EHBP1: variants seen among roughly 807,000 people sequenced by gnomAD.
EHBP1 encodes EH domain binding protein 1.
In EHBP1, 55 loss-of-function variants were observed where a neutral mutation model predicts 144.0. The observed-to-expected ratio is 0.38, with a 90% CI of 0.31 to 0.48. EHBP1 has a LOEUF of 0.48. Among genes scored for constraint, EHBP1 ranks in the 20% least tolerant of loss-of-function variants. The pLI, the probability that EHBP1 is intolerant of heterozygous loss-of-function variation, is 0.98. For synonymous variants in EHBP1, 469 were observed against 472.7 expected, an observed-to-expected ratio of 0.99 and a Z score of 0.10; for missense variants, 1,200 against 1,364.2, an observed-to-expected ratio of 0.88 and a Z score of 1.90.
chr2:62,898,961 C>T (rs555628636), intron 10 of EHBP1, among the ~76,000 whole-genome samples: 5 of 152,252 alleles, frequency 3.3e-5, no homozygotes, highest in African/African-American at 1.2e-4. Context: ...TGCACCTACA[C>T]GCAGATGGCA....
chr2:62,719,709 C>T (rs2036027930), intron 2 of EHBP1, among the ~76,000 whole-genome samples: 1 of 152,182 alleles, frequency 6.6e-6, no homozygotes, highest in African/African-American at 2.4e-5. Flanking sequence ...CAGTATAAAA[C>T]AATATTTACA....
chr2:62,722,544 A>G (rs1558549393), intron 2 of EHBP1, among the ~76,000 whole-genome samples: 2 of 152,144 alleles, frequency 1.3e-5, no homozygotes, highest in Admixed American at 6.5e-5. Flanking sequence ...TTCTCCAATT[A>G]TCCCAAGAAT....
intron 10 of EHBP1, among the ~76,000 whole-genome samples, chr2:62,911,393 A>G (rs1404952014): frequency 3.9e-5 from 6 of 152,186 alleles, no homozygotes; most frequent in Non-Finnish European, 8.8e-5. Flanking sequence ...GATTCTGACC[A>G]AAATAAGGCA....
intron 5 of EHBP1, among the ~76,000 whole-genome samples, chr2:62,784,860 T>C (rs1226907978): frequency 6.6e-6 from 1 of 152,184 alleles, no homozygotes; most frequent in African/African-American, 2.4e-5. Flanking sequence ...CAAACTTGGC[T>C]GCCTATGAGA....
intron 6 of EHBP1, among the ~76,000 whole-genome samples, chr2:62,827,824 C>G (rs1412758280): frequency 6.6e-6 from 1 of 152,058 alleles, no homozygotes; most frequent in African/African-American, 2.4e-5. Flanking sequence ...TGTACCACCA[C>G]ACCTGGCTAA....
intron 19 of EHBP1, among the ~76,000 whole-genome samples, chr2:63,021,257 C>A (rs1048964436): frequency 6.6e-6 from 1 of 152,042 alleles, no homozygotes; most frequent in Non-Finnish European, 1.5e-5. Flanking sequence ...CCCCAGCCCC[C>A]CAGAAAAGCC....
chr2:62,718,730 TA>T (rs1276804039), intron 2 of EHBP1, among the ~76,000 whole-genome samples: 3 of 152,242 alleles, frequency 2.0e-5, no homozygotes, highest in Non-Finnish European at 2.9e-5. Flanking sequence ...ATGACAGTTC[TA>T]TTGGTACTCC....
At chr2:62,729,637 A>AATAAT (rs112547769) in intron 2 of EHBP1, among the ~76,000 whole-genome samples, 107 of 137,746 alleles carry the variant, frequency 7.8e-4, no homozygotes, top group African/African-American at 2.2e-3. Context: ...AATAAAATAA[A>AATAAT]ATAATATAAT....
chr2:63,037,685 G>T, intron 20 of EHBP1, 51 bp downstream of exon 20: 1 of 1,096,276 alleles, frequency 9.1e-7, no homozygotes, highest in Non-Finnish European at 1.3e-6. Context: ...ATAAATCTTA[G>T]GCCTCTTGTT....
At chr2:62,772,442 C>T (rs1426653439) in intron 5 of EHBP1, among the ~76,000 whole-genome samples, 1 of 152,150 alleles carries the variant, frequency 6.6e-6, no homozygotes, top group Non-Finnish European at 1.5e-5. Flanking sequence ...GCTTGGAATT[C>T]TTGGAAAATC....
At chr2:62,894,957 A>AGAGAGAGAGAGAGAGAGAGAGAG (rs2052775009) in intron 10 of EHBP1, among the ~76,000 whole-genome samples, 1 of 76,296 alleles carries the variant, frequency 1.3e-5, no homozygotes. Context: ...GAGAGAGAGA[A>AGAGAGAGAGAGAGAGAGAGAGAG]TGCTGCAGGC....
chr2:62,986,778 A>G (rs1316246703), intron 15 of EHBP1, among the ~76,000 whole-genome samples: 4 of 152,084 alleles, frequency 2.6e-5, no homozygotes, highest in African/African-American at 7.2e-5. Context: ...AATGGTTTAC[A>G]TAGTAGATGG....
intron 15 of EHBP1, among the ~76,000 whole-genome samples, chr2:62,989,024 C>G (rs539422397): frequency 6.6e-6 from 1 of 151,960 alleles, no homozygotes; most frequent in Non-Finnish European, 1.5e-5. Context: ...GTCAGTAGCT[C>G]CTTCATGGCC....
At chr2:62,754,812 G>T (rs1404303629) in intron 3 of EHBP1, among the ~76,000 whole-genome samples, 1 of 152,218 alleles carries the variant, frequency 6.6e-6, no homozygotes, top group African/African-American at 2.4e-5. Context: ...ATCTCCTGGT[G>T]TGCCGTTTGC....
intron 4 of EHBP1, 79 bp downstream of exon 4, chr2:62,764,440 T>C (rs1558631721): frequency 8.7e-7 from 1 of 1,151,364 alleles, no homozygotes. Context: ...GTGTTCATTG[T>C]TCTATACATT....
At chr2:62,771,749 A>G (rs985848704) in intron 5 of EHBP1, 1 of 153,110 alleles carries the variant, frequency 6.5e-6, no homozygotes, top group African/African-American at 2.4e-5. Context: ...AGTGCTTATC[A>G]CATAGCAGAT....
chr2:62,985,490 C>T (rs2059150672), intron 15 of EHBP1, among the ~76,000 whole-genome samples: 2 of 152,190 alleles, frequency 1.3e-5, no homozygotes, highest in South Asian at 2.1e-4. Flanking sequence ...TCTTCTAAAG[C>T]ACAGTACTGA....
At chr2:62,907,102 T>A (rs1436391981) in intron 10 of EHBP1, among the ~76,000 whole-genome samples, 3 of 152,226 alleles carry the variant, frequency 2.0e-5, no homozygotes, top group African/African-American at 7.2e-5. Flanking sequence ...TGCAAACATT[T>A]GTGTACCAAT....
rs541154031 is a variant in EHBP1 at position 63,037,107 on chromosome 2, A to G, written c.3104-428A>G. On this transcript the variant is annotated intron_variant, in intron 19 of 22. Transcript: ENST00000431489. ...AATAAGAAAATAGCAAGTTGTTAAAAATGGAAACTTTCACACAATCTCTGG... is the reference window on the plus strand; with the variant it reads ...AATAAGAAAATAGCAAGTTGTTAAAGATGGAAACTTTCACACAATCTCTGG... Among the ~76,000 whole-genome samples the G allele has an allele frequency of 8.5e-5, 13 of 152,072 alleles. No individual in the cohort carries two copies. In the South Asian group the frequency reaches 2.5e-3, roughly 29 times the overall value.
Sources: allele counts gnomAD v4.1 joint callset (sites outside exome capture counted in the v4.1 genomes callset), GRCh38; gene constraint gnomAD v4.1.1; transcripts MANE v1.5; gene names NCBI Gene and HGNC (gene_info 2026-07-23, HGNC 2026-07-21).